Variants in CEP89 observed in about 807,000 individuals in gnomAD.
CEP89 encodes centrosomal protein 89.
Under a neutral mutation model 97.6 loss-of-function variants are expected in CEP89, and 95 were observed. That is an observed-to-expected ratio of 0.97 (90% CI 0.82 to 1.15). The LOEUF (loss-of-function observed/expected upper bound fraction) is 1.15. Among genes scored for constraint, CEP89 ranks in the 50% most tolerant of loss-of-function variants. CEP89 has a pLI of 0.00. For synonymous variants in CEP89, 354 were observed against 349.1 expected, an observed-to-expected ratio of 1.01 and a Z score of -0.16; for missense variants, 869 against 947.7, an observed-to-expected ratio of 0.92 and a Z score of 1.09.
chr19:32,934,434 G>A (rs573987802), intron 7 of CEP89, among the ~76,000 whole-genome samples: 6 of 152,308 alleles, frequency 3.9e-5, no homozygotes, highest in South Asian at 2.1e-4. Flanking sequence ...GCTGTTCCAC[G>A]GGGAGATGTG....
intron 9 of CEP89, among the ~76,000 whole-genome samples, chr19:32,927,292 C>A (rs1970381373): frequency 6.6e-6 from 1 of 152,004 alleles, no homozygotes; most frequent in Non-Finnish European, 1.5e-5. Flanking sequence ...AGATATAATG[C>A]CCCTTTTCCT....
rs1970577989 is a variant in CEP89, at chr19:32,936,232, G to A, written c.667+1399C>T. Among the ~76,000 whole-genome samples the A allele has an allele frequency of 6.6e-6, 1 of 152,172 alleles. No individual in the cohort carries two copies. The highest frequency in any genetic ancestry group is 2.1e-4 in the South Asian group (1 of 4,832). On this transcript the variant is annotated intron_variant, in intron 7 of 18. Coordinates refer to ENST00000305768, the MANE Select transcript of CEP89 (RefSeq NM_032816.5). The surrounding 1 kb of genome is among the most constrained non-coding windows in gnomAD (Gnocchi z 4.5). ...CAAGCCTGGGCACTGTCACAGCCTGGCTGGGAGTGTGCATACTCAGGGCAG... is the reference window on the plus strand; with the variant it reads ...CAAGCCTGGGCACTGTCACAGCCTGACTGGGAGTGTGCATACTCAGGGCAG...
In CEP89 at chr19:32,881,971, G is replaced by T; in HGVS notation, c.2008C>A (p.His670Asn). Reference protein sequence around the residue: ...QAALKLGDISHRLLEQQEDFA... With the variant: ...QAALKLGDISNRLLEQQEDFA... ...TCCTCCTGCTGCTCCAGCAGACGGTGACTGATGTCCCCCAGCTTCAGTGCT... is the reference window on the plus strand; with the variant it reads ...TCCTCCTGCTGCTCCAGCAGACGGTTACTGATGTCCCCCAGCTTCAGTGCT... The change falls in exon 18 of 19, where the codon CAC becomes AAC. Residue 670 changes from histidine to asparagine, a missense_variant. Transcript: ENST00000305768. 2.5e-6 allele frequency: 4 copies of T among 1,588,160 alleles called. No homozygotes were observed. The highest frequency in any genetic ancestry group is 2.3e-5 in the East Asian group (1 of 43,928).
chr19:32,923,476 C>T lies in CEP89; in HGVS notation c.1231G>A (p.Glu411Lys). 6.2e-7 allele frequency: 1 copy of T among 1,610,044 alleles called. No individual in the cohort carries two copies. The highest frequency in any genetic ancestry group is 8.5e-7 in the Non-Finnish European group (1 of 1,176,468). ...VVKENEELHQ[E>K]LNKSSAVTSE... is the part of the protein sequence containing the mutation. Reference sequence around the variant, plus strand: ...GTAACAGCACTACTCTTATTTAACTCTTGGTGCAATTCTTCATTTTCTTTC... The same window carrying T: ...GTAACAGCACTACTCTTATTTAACTTTTGGTGCAATTCTTCATTTTCTTTC... Residue 411 changes from glutamate (E) to lysine (K), a missense_variant, in exon 12 of 19, where the codon GAG becomes AAG. Transcript: ENST00000305768.
At chr19:32,954,541 C>A (rs1278964153) in intron 3 of CEP89, among the ~76,000 whole-genome samples, 1 of 151,222 alleles carries the variant, frequency 6.6e-6, no homozygotes, top group Non-Finnish European at 1.5e-5. Flanking sequence ...TTTGTAGAGA[C>A]GGGGTTTCAC....
At position 32,944,281 on chromosome 19, in the gene CEP89, G is replaced by T. The variant is rs376264198; in HGVS notation, c.595+3985C>A. 3.6e-3 allele frequency among the ~76,000 whole-genome samples: 533 copies of T among 149,318 alleles called. 3 individuals carry two copies. Among genetic ancestry groups the T allele is most frequent in the African/African-American group, 0.012 (497 of 40,420 alleles). Reference sequence around the variant, plus strand: ...GGGGATGAATGAATGAAGTCAAATGGTTACATGGCATAGAAGCTGCGAAAG... The same window carrying T: ...GGGGATGAATGAATGAAGTCAAATGTTTACATGGCATAGAAGCTGCGAAAG... On this transcript the variant is annotated intron_variant, in intron 5 of 18. Coordinates refer to ENST00000305768, the MANE Select transcript of CEP89 (RefSeq NM_032816.5).
chr19:32,910,864 C>T (rs1748349991), intron 14 of CEP89, among the ~76,000 whole-genome samples: 1 of 152,204 alleles, frequency 6.6e-6, no homozygotes, highest in South Asian at 2.1e-4. Flanking sequence ...CTTCTGGACA[C>T]GTCCTGAAGG....
At chr19:32,939,120 A>G (rs1211382070) in intron 6 of CEP89, among the ~76,000 whole-genome samples, 1 of 152,058 alleles carries the variant, frequency 6.6e-6, no homozygotes, top group Non-Finnish European at 1.5e-5. Flanking sequence ...GAGTGGTGGC[A>G]TGTGCCTGTA....
chr19:32,905,318 A>C (rs564632844), intron 14 of CEP89, among the ~76,000 whole-genome samples: 4 of 152,214 alleles, frequency 2.6e-5, no homozygotes, highest in Non-Finnish European at 5.9e-5. Flanking sequence ...TTCCTTTCTT[A>C]TATGATCACT....
chr19:32,917,754 C>G (rs984157100), intron 13 of CEP89: 1 of 978,698 alleles, frequency 1.0e-6, no homozygotes, highest in Non-Finnish European at 1.2e-6. Context: ...GGGACACTCT[C>G]GGAAGGTGTT....
At chr19:32,937,506 C>T in intron 7 of CEP89, 125 bp downstream of exon 7, 1 of 801,162 alleles carries the variant, frequency 1.2e-6, no homozygotes, top group Non-Finnish European at 2.1e-6. Flanking sequence ...TCTTTTGAGG[C>T]AAGGGTGAAA....
At chr19:32,959,758 T>C in intron 3 of CEP89, 142 bp downstream of exon 3, 1 of 804,104 alleles carries the variant, frequency 1.2e-6, no homozygotes, top group Non-Finnish European at 1.9e-6. Flanking sequence ...ACTCTAGTCA[T>C]AAATACATGC....
chr19:32,887,226 G>GT (rs1161824042), intron 17 of CEP89, among the ~76,000 whole-genome samples: 13 of 148,644 alleles, frequency 8.7e-5, no homozygotes, highest in East Asian at 4.0e-4. Context: ...TTTGGTTTTG[G>GT]TTTTTTTTTG....
intron 3 of CEP89, among the ~76,000 whole-genome samples, chr19:32,954,587 A>C (rs1393313364): frequency 5.3e-5 from 8 of 151,118 alleles, no homozygotes; most frequent in Non-Finnish European, 1.0e-4. Flanking sequence ...TCCTTGGCTC[A>C]AGGGATCCGC....
intron 16 of CEP89, among the ~76,000 whole-genome samples, chr19:32,894,056 G>A (rs1969588222): frequency 6.6e-6 from 1 of 152,160 alleles, no homozygotes; most frequent in Non-Finnish European, 1.5e-5. Context: ...AACTAAGTGA[G>A]GCAGGGTGAA....
chr19:32,960,109 G>A, intron 2 of CEP89, 51 bp from the exon 3 acceptor site: 1 of 1,598,058 alleles, frequency 6.3e-7, no homozygotes, highest in South Asian at 1.1e-5. Flanking sequence ...CATTCCAGGT[G>A]AATGCTGAAC....
Position 32,915,389 on chromosome 19 carries a change from C to T in CEP89, c.1513G>A (p.Asp505Asn), listed in dbSNP as rs919765259. ...AKCQELKTHS[D>N]GKIAVEVHKS... Reference sequence around the variant, plus strand: ...TGAACTTCCACTGCGATTTTGCCATCCGAGTGTGTTTTGAGTTCTTGGCAT... The same window carrying T: ...TGAACTTCCACTGCGATTTTGCCATTCGAGTGTGTTTTGAGTTCTTGGCAT... The change falls in exon 14 of 19, where the codon GAT (aspartate) becomes AAT (asparagine). Residue 505 changes from aspartate (D) to asparagine (N), a missense_variant. Physicochemically the swap from Asp to Asn is conservative, Grantham distance 23. Transcript: ENST00000305768. The T allele has an allele frequency of 5.0e-6, 8 of 1,613,212 alleles. No individual in the cohort carries two copies. Among genetic ancestry groups the T allele is most frequent in the Non-Finnish European group, 6.8e-6 (8 of 1,179,782 alleles).
At chr19:32,961,292 C>G (rs1362526883) in intron 2 of CEP89, among the ~76,000 whole-genome samples, 2 of 151,826 alleles carry the variant, frequency 1.3e-5, no homozygotes, top group Non-Finnish European at 2.9e-5. Context: ...AAGACCCGGC[C>G]AGGCACAGTG....
chr19:32,881,552 T>C (rs998477923), intron 18 of CEP89, among the ~76,000 whole-genome samples: 2 of 150,028 alleles, frequency 1.3e-5, no homozygotes, highest in South Asian at 2.1e-4. Context: ...AAAAAGAAAA[T>C]GAGACAAAAT....
Sources: gnomAD v4.1 joint callset for allele counts (sites outside exome capture counted in the v4.1 genomes callset) on GRCh38, gnomAD v4.1.1 for gene constraint, Gnocchi (gnomAD v3.1) non-coding constraint, MANE v1.5 for transcripts, NCBI Gene and HGNC (gene_info 2026-07-23, HGNC 2026-07-21) for gene names.